The following NRG4 variants were observed in gnomAD, a reference collection of about 807,000 sequenced individuals.
NRG4 encodes the protein neuregulin 4.
Under a neutral mutation model 15.0 loss-of-function variants are expected in NRG4, and 10 were observed. The ratio of observed to expected loss-of-function variants is 0.67; its 90% CI spans 0.41 to 1.13. NRG4 has a LOEUF of 1.13. Ranked by LOEUF, NRG4 falls within the 50% of genes most tolerant of loss-of-function variation. The pLI is 0.00. For synonymous variants in NRG4, 41 were observed against 50.1 expected (o/e 0.82, Z 0.77); for missense variants, 139 against 140.2 (o/e 0.99, Z 0.04).
At chr15:76,009,423 A>C (rs1392440240) in intron 2 of NRG4, 130 bp from the exon 3 acceptor site, 21 of 544,652 alleles carry the variant, frequency 3.9e-5, no homozygotes, top group Non-Finnish European at 5.5e-5. Context: ...TTTTTTCTCA[A>C]AATGAAAGAT....
In NRG4 at chr15:75,943,651, T is replaced by C. The variant is rs770814183; in HGVS notation, c.335A>G (p.His112Arg). 6.4e-7 allele frequency: 1 copy of C among 1,573,558 alleles called. No homozygotes were observed. Among genetic ancestry groups the C allele is most frequent in the South Asian group, 1.1e-5 (1 of 89,416 alleles). The change falls in exon 6 of 6, where the codon CAT (histidine) becomes CGT (arginine). Residue 112 changes from histidine (H) to arginine (R), a missense_variant. By Grantham distance (29) the His-to-Arg change is conservative. Coordinates refer to ENST00000394907, the MANE Select transcript of NRG4 (RefSeq NM_138573.4). ...ETSSTSAHHS[H>R]EQH ...TTTGACGTTTCTTCAGTGTTGTTCA[T>C]GACCTGTGAAAAATAAGTAAGAATT...
intron 3 of NRG4, among the ~76,000 whole-genome samples, chr15:75,986,422 C>T (rs1330678676): frequency 6.6e-6 from 1 of 152,084 alleles, no homozygotes; most frequent in African/African-American, 2.4e-5. Context: ...AAATGTCTAT[C>T]AGTAGGGTTA....
At chr15:76,032,806 A>G (rs2035506643) in intron 5 of NRG4, among the ~76,000 whole-genome samples, 1 of 152,234 alleles carries the variant, frequency 6.6e-6, no homozygotes, top group African/African-American at 2.4e-5. Context: ...TGAAATGATG[A>G]ACAAAAACAT....
intron 5 of NRG4, among the ~76,000 whole-genome samples, chr15:75,949,548 T>A (rs2031755271): frequency 6.6e-6 from 1 of 152,238 alleles, no homozygotes; most frequent in Non-Finnish European, 1.5e-5. Context: ...TGCCTTTTCA[T>A]TTTTAGAATG....
intron 5 of NRG4, among the ~76,000 whole-genome samples, chr15:75,949,374 G>A (rs2031743054): frequency 7.8e-6 from 1 of 127,840 alleles, no homozygotes; most frequent in Admixed American, 8.5e-5. Context: ...TCATGCCACT[G>A]CACTCCAGCC....
At chr15:76,020,543 G>A (rs959122005) in intron 5 of NRG4, among the ~76,000 whole-genome samples, 5 of 152,018 alleles carry the variant, frequency 3.3e-5, no homozygotes, top group African/African-American at 1.2e-4. Context: ...GGGCCACAGT[G>A]GAAAAATAAT....
intron 5 of NRG4, among the ~76,000 whole-genome samples, chr15:76,034,118 T>C (rs1284766820): frequency 6.6e-6 from 1 of 152,212 alleles, no homozygotes; most frequent in Non-Finnish European, 1.5e-5. Flanking sequence ...ACAGAATCCC[T>C]GGGTGATTTT....
At chr15:75,964,313 C>T (rs1043510718) in intron 3 of NRG4, among the ~76,000 whole-genome samples, 4 of 151,758 alleles carry the variant, frequency 2.6e-5, no homozygotes, top group East Asian at 1.9e-4. Flanking sequence ...TTTAAAATAA[C>T]AAAAATAAAA....
intron 5 of NRG4, among the ~76,000 whole-genome samples, chr15:75,945,179 G>A (rs534695208): frequency 1.1e-3 from 163 of 151,790 alleles, no homozygotes; most frequent in African/African-American, 3.9e-3. Flanking sequence ...TATCAGATTT[G>A]GCCCCTAGCA....
intron 4 of NRG4, among the ~76,000 whole-genome samples, chr15:76,038,042 CTA>C (rs2035637339): frequency 6.6e-6 from 1 of 152,092 alleles, no homozygotes; most frequent in African/African-American, 2.4e-5. Flanking sequence ...AGGGAAGGAC[CTA>C]TTCCTGGCAG....
chr15:76,044,120 C>T (rs1365833275), intron 4 of NRG4, among the ~76,000 whole-genome samples: 1 of 152,100 alleles, frequency 6.6e-6, no homozygotes, highest in Non-Finnish European at 1.5e-5. Flanking sequence ...GCCTCAGCCT[C>T]CCGAGTAGCT....
At chr15:75,987,630 C>T (rs748026018) in intron 3 of NRG4, among the ~76,000 whole-genome samples, 1 of 152,144 alleles carries the variant, frequency 6.6e-6, no homozygotes, top group Non-Finnish European at 1.5e-5. Context: ...CCCTCACCAC[C>T]AACTGAATCA....
intron 3 of NRG4, among the ~76,000 whole-genome samples, chr15:75,966,975 C>T (rs539746468): frequency 2.7e-4 from 41 of 151,878 alleles, no homozygotes; most frequent in African/African-American, 9.7e-4. Context: ...ATTAGCCAGG[C>T]GTGGTGGTAG....
chr15:75,985,586 C>T (rs992979996), intron 3 of NRG4, among the ~76,000 whole-genome samples: 2 of 152,132 alleles, frequency 1.3e-5, no homozygotes, highest in Admixed American at 6.5e-5. Context: ...CGGAGACATC[C>T]TTATCATTTA....
At chr15:75,975,480 CT>C (rs1213944394) in intron 3 of NRG4, among the ~76,000 whole-genome samples, 3 of 152,186 alleles carry the variant, frequency 2.0e-5, no homozygotes, top group African/African-American at 7.2e-5. Context: ...TTTGCAGTGG[CT>C]GGTACTGGTT....
At chr15:76,032,355 C>A (rs2035494362) in intron 5 of NRG4, among the ~76,000 whole-genome samples, 1 of 151,846 alleles carries the variant, frequency 6.6e-6, no homozygotes, top group Admixed American at 6.6e-5. Context: ...CAGTAGAGAC[C>A]ATTAGATCTC....
At chr15:76,014,465 T>G (rs2034914003), upstream of NRG4, among the ~76,000 whole-genome samples, 1 of 152,260 alleles carries the variant, frequency 6.6e-6, no homozygotes, top group African/African-American at 2.4e-5. Context: ...TCTAGGGTTT[T>G]TATGGCTTTA....
At position 76,005,763 on chromosome 15, in the gene NRG4, G is replaced by C. The variant is rs1286839199; in HGVS notation, c.104+3437C>G. 3 of 437,276 alleles carry C rather than the reference G, an allele frequency of 6.9e-6. No individual in the cohort carries two copies. The Admixed American group carries it at 7.3e-5, about 11-fold the overall frequency. 27.1% of individuals were successfully genotyped at this position (437,276 alleles called of 1,614,324 possible). ...TCTTACTATTCATTAAGTGGAAGTAGATCATCATAAAGGTCTTCATTGTTG... is the reference window on the plus strand; with the variant it reads ...TCTTACTATTCATTAAGTGGAAGTACATCATCATAAAGGTCTTCATTGTTG... On this transcript the variant is annotated intron_variant, in intron 3 of 5. Transcript: ENST00000394907.
chr15:76,019,802 G>A (rs1298184381), intron 5 of NRG4, among the ~76,000 whole-genome samples: 1 of 152,162 alleles, frequency 6.6e-6, no homozygotes, highest in Non-Finnish European at 1.5e-5. Flanking sequence ...CATCTTGCCA[G>A]CCACCCATTA....
Sources: allele counts gnomAD v4.1 joint callset (sites outside exome capture counted in the v4.1 genomes callset), GRCh38; gene constraint gnomAD v4.1.1; transcripts MANE v1.5; gene names NCBI Gene and HGNC (gene_info 2026-07-23, HGNC 2026-07-21).